The following SORCS1 variants were observed in gnomAD, a reference collection of about 807,000 sequenced individuals.
SORCS1 encodes the protein VPS10 domain-containing receptor SorCS1.
A neutral mutation model predicts 146.1 loss-of-function variants in SORCS1; 60 were observed. The observed-to-expected ratio is 0.41, with a 90% CI of 0.33 to 0.51. SORCS1 has a LOEUF of 0.51. SORCS1 is among the 20% of genes least tolerant of loss of function. The probability of loss-of-function intolerance (pLI) is 0.21; values close to 1 mark genes in which losing one functional copy is unlikely to be tolerated. For missense variants in SORCS1, 1,352 were observed against 1,487.6 expected (o/e 0.91, Z 1.50); for synonymous variants, 637 against 584.0 (o/e 1.09, Z -1.31).
At chr10:107,151,539 C>A (rs1385864476) in intron 1 of SORCS1, among the ~76,000 whole-genome samples, 1 of 152,112 alleles carries the variant, frequency 6.6e-6, no homozygotes, top group Non-Finnish European at 1.5e-5. Flanking sequence ...CCCTGATAAA[C>A]CCATCAGATC....
At chr10:106,950,140 C>CGAT (rs1954596954) in intron 2 of SORCS1, among the ~76,000 whole-genome samples, 1 of 152,118 alleles carries the variant, frequency 6.6e-6, no homozygotes, top group Non-Finnish European at 1.5e-5. Context: ...TCAAATCATC[C>CGAT]CCCTTTCCTC....
intron 16 of SORCS1, among the ~76,000 whole-genome samples, chr10:106,670,283 C>G (rs1352264351): frequency 1.3e-5 from 2 of 151,308 alleles, no homozygotes; most frequent in Non-Finnish European, 2.9e-5. Flanking sequence ...TGCCCACAAG[C>G]TAGCTTTCTG....
chr10:106,997,154 G>A (rs1181833058), intron 1 of SORCS1, among the ~76,000 whole-genome samples: 1 of 151,812 alleles, frequency 6.6e-6, no homozygotes, highest in African/African-American at 2.4e-5. Flanking sequence ...TCTTTCTCCT[G>A]GTAATTTTAA....
At chr10:106,979,778 C>T (rs189412575) in intron 1 of SORCS1, among the ~76,000 whole-genome samples, 1 of 152,140 alleles carries the variant, frequency 6.6e-6, no homozygotes, top group African/African-American at 2.4e-5. Flanking sequence ...TCAATGAATA[C>T]GCTATGGAGT....
intron 1 of SORCS1, among the ~76,000 whole-genome samples, chr10:107,097,177 C>T (rs1368965866): frequency 6.6e-6 from 1 of 152,198 alleles, no homozygotes; most frequent in Non-Finnish European, 1.5e-5. Flanking sequence ...ATAAAAACCT[C>T]TGTGCTCAGG....
chr10:107,070,769 CACTT>C (rs1335494037), intron 1 of SORCS1, among the ~76,000 whole-genome samples: 2 of 152,206 alleles, frequency 1.3e-5, no homozygotes, highest in South Asian at 2.1e-4. Context: ...TTGTCATTAT[CACTT>C]ACTTAATGAC....
chr10:106,817,017 T>C (rs1161818202), intron 3 of SORCS1, among the ~76,000 whole-genome samples: 1 of 152,186 alleles, frequency 6.6e-6, no homozygotes, highest in Non-Finnish European at 1.5e-5. Flanking sequence ...ACAAAGACAG[T>C]ATTAGTGAGT....
At chr10:106,940,127 G>A (rs1054297948) in intron 2 of SORCS1, among the ~76,000 whole-genome samples, 12 of 152,240 alleles carry the variant, frequency 7.9e-5, no homozygotes, top group African/African-American at 2.7e-4. Flanking sequence ...CAGCATAGCA[G>A]TGTCAAGCAA....
At chr10:106,958,206 A>C (rs1955055860) in intron 1 of SORCS1, among the ~76,000 whole-genome samples, 1 of 152,198 alleles carries the variant, frequency 6.6e-6, no homozygotes, top group African/African-American at 2.4e-5. Flanking sequence ...TAAGGGAAAA[A>C]CATTATGGGT....
intron 17 of SORCS1, among the ~76,000 whole-genome samples, chr10:106,666,224 C>T (rs76862202): frequency 0.062 from 9,480 of 152,264 alleles, 460 homozygotes; most frequent in African/African-American, 0.13. Context: ...GGGTGGGCCT[C>T]ATCCAATCAG....
At chr10:107,138,909 G>C (rs1351551258) in intron 1 of SORCS1, among the ~76,000 whole-genome samples, 1 of 152,128 alleles carries the variant, frequency 6.6e-6, no homozygotes, top group Non-Finnish European at 1.5e-5. Flanking sequence ...TTTCATCCCA[G>C]GGACAAACAT....
At position 107,164,571 on chromosome 10, in the gene SORCS1, T is replaced by C. The variant is rs1425629987; in HGVS notation, c.-45A>G. 1.8e-5 allele frequency: 23 copies of C among 1,308,936 alleles called. No individual in the cohort carries two copies. The allele number at this position is 1,308,936 out of a possible 1,614,324, so 81.1% of individuals were successfully genotyped here. A position where few individuals can be genotyped will look rare whatever the true frequency, so the allele number is the denominator to read the frequency against. On this transcript the variant is annotated 5_prime_UTR_variant, in exon 1 of 26. Coordinates refer to ENST00000263054, the MANE Select transcript of SORCS1 (RefSeq NM_052918.5). This position sits in a 1 kb window ranked among gnomAD's most constrained non-coding sequence, Gnocchi z 6.8. ...GGAGAGAGGGGTCCCAGAACGAAGG[T>C]GGCGGCACGAGCTCTGCGCTGGCGG... is the stretch of plus-strand genomic sequence containing the variant.
intron 1 of SORCS1, among the ~76,000 whole-genome samples, chr10:107,144,328 C>T (rs1213757494): frequency 6.6e-6 from 1 of 152,136 alleles, no homozygotes; most frequent in Non-Finnish European, 1.5e-5. Context: ...CTTAGCCCTA[C>T]CAGAAAGTTA....
intron 7 of SORCS1, among the ~76,000 whole-genome samples, chr10:106,708,801 G>A (rs1854728705): frequency 6.6e-6 from 1 of 152,114 alleles, no homozygotes; most frequent in African/African-American, 2.4e-5. Flanking sequence ...CTTTTAAGGT[G>A]GGTATTGGGG....
intron 1 of SORCS1, among the ~76,000 whole-genome samples, chr10:106,961,233 C>A (rs1049234438): frequency 6.6e-6 from 1 of 152,140 alleles, no homozygotes; most frequent in African/African-American, 2.4e-5. Context: ...AACTAACCTG[C>A]CAGCAGCATA....
intron 1 of SORCS1, among the ~76,000 whole-genome samples, chr10:107,029,355 T>G (rs1958548296): frequency 6.6e-6 from 1 of 152,202 alleles, no homozygotes; most frequent in Admixed American, 6.5e-5. Context: ...TGGAGCACAT[T>G]CGTCAAAAGA....
intron 1 of SORCS1, among the ~76,000 whole-genome samples, chr10:107,069,191 G>A (rs961721810): frequency 3.3e-5 from 5 of 151,982 alleles, no homozygotes; most frequent in African/African-American, 9.7e-5. Context: ...TGGTCATCCC[G>A]GATATGCATT....
chr10:107,078,965 C>T (rs1167492567), intron 1 of SORCS1, among the ~76,000 whole-genome samples: 1 of 150,510 alleles, frequency 6.6e-6, no homozygotes, highest in Non-Finnish European at 1.5e-5. Context: ...GTGGCTCAGG[C>T]CTGTAATCCC....
Position 106,934,100 on chromosome 10 carries a change from C to CAAA in SORCS1, c.626+22410_626+22412dup, listed in dbSNP as rs57432764. Among the ~76,000 whole-genome samples the CAAA allele has an allele frequency of 1.5e-4, 15 of 97,562 alleles. No individual in the cohort carries two copies. In the Admixed American group the frequency reaches 1.7e-3, roughly 11 times the overall value. The allele number at this position is 97,562 out of a possible 152,430, so 64.0% of individuals were successfully genotyped here. Reference sequence around the variant, plus strand: ...CAGAGTGAGACTCCATCTCAAAAAACAAAAAAAAAAAAAAAAAAGAAAGAA... The same window carrying CAAA: ...CAGAGTGAGACTCCATCTCAAAAAACAAAAAAAAAAAAAAAAAAAAAGAAAGAA... On this transcript the variant is annotated intron_variant, in intron 2 of 25. Transcript: ENST00000263054.
Sources: allele counts gnomAD v4.1 joint callset (sites outside exome capture counted in the v4.1 genomes callset), GRCh38; gene constraint gnomAD v4.1.1; non-coding constraint Gnocchi (gnomAD v3.1); transcripts MANE v1.5; gene names NCBI Gene and HGNC (gene_info 2026-07-23, HGNC 2026-07-21).